Variants in SLBP observed in about 807,000 individuals in gnomAD.
The protein encoded by SLBP is histone RNA hairpin-binding protein.
A neutral mutation model predicts 39.2 loss-of-function variants in SLBP; 29 were observed. The ratio of observed to expected loss-of-function variants is 0.74; its 90% confidence interval spans 0.55 to 1.01. SLBP has a LOEUF of 1.01. Among genes scored for constraint, SLBP ranks in the 50% least tolerant of loss-of-function variants. The pLI, the probability that SLBP is intolerant of heterozygous loss-of-function variation, is 0.00. For synonymous variants in SLBP, 129 were observed against 118.7 expected (o/e 1.09, Z -0.57); for missense variants, 390 against 350.2 (o/e 1.11, Z -0.91).
In SLBP at chr4:1,699,597, A is replaced by G. The variant is rs1716247923; in HGVS notation, c.446T>C (p.Ile149Thr). 2 of 1,613,942 alleles carry G rather than the reference A, an allele frequency of 1.2e-6. No individual in the cohort carries two copies. Among genetic ancestry groups the G allele is most frequent in the Non-Finnish European group, 1.7e-6 (2 of 1,179,826 alleles). The change falls in exon 5 of 8, where the codon ATT (isoleucine) becomes ACT (threonine). Residue 149 changes from isoleucine to threonine, a missense_variant. Ile to Thr is a moderately conservative substitution (Grantham distance 89). Transcript: ENST00000489418. ...TTCTTTAATATAACGATCGTAGGCA[A>G]TTGTGTTCTTCCCATAGTTGATCTG... The part of the protein sequence containing the change: ...QKQINYGKNT[I>T]AYDRYIKEVP...
At chr4:1,711,542 G>C (rs1181672475) in intron 2 of SLBP, among the ~76,000 whole-genome samples, 3 of 152,106 alleles carry the variant, frequency 2.0e-5, no homozygotes, top group Non-Finnish European at 4.4e-5. Context: ...ACTTCTCCTC[G>C]GGACTCGGGT....
chr4:1,696,169 G>GA, intron 6 of SLBP, 33 bp downstream of exon 6: 1 of 1,543,214 alleles, frequency 6.5e-7, no homozygotes. Context: ...ACCAATCAGA[G>GA]AATCACAGGA....
At chr4:1,698,171 C>A (rs935531773) in intron 5 of SLBP, among the ~76,000 whole-genome samples, 9 of 151,012 alleles carry the variant, frequency 6.0e-5, no homozygotes, top group African/African-American at 1.7e-4. Flanking sequence ...ACCAGCCTGG[C>A]CAATATGGTA....
chr4:1,699,355 G>A (rs550368970), intron 5 of SLBP, among the ~76,000 whole-genome samples: 96 of 152,212 alleles, frequency 6.3e-4, no homozygotes, highest in Middle Eastern at 3.4e-3. Context: ...AAAATTATAT[G>A]AAAATGATTT....
Position 1,712,113 on chromosome 4 carries a change from G to A in SLBP, c.59+17C>T. On this transcript the variant is annotated intron_variant, in intron 1 of 7. Transcript: ENST00000489418. ...CGGGGCACGCGCTCCCTCGCCCGCCGCGCAGCCCGGCCTCACCTGGCGTCA... is the reference window on the plus strand; with the variant it reads ...CGGGGCACGCGCTCCCTCGCCCGCCACGCAGCCCGGCCTCACCTGGCGTCA... 9.8e-6 allele frequency: 12 copies of A among 1,226,428 alleles called. No individual in the cohort carries two copies. The highest frequency in any genetic ancestry group is 1.1e-5 in the Non-Finnish European group (11 of 984,694). 76.0% of individuals were successfully genotyped at this position (1,226,428 alleles called of 1,614,324 possible). A position where few individuals can be genotyped will look rare whatever the true frequency, so the allele number is the denominator to read the frequency against.
chr4:1,701,584 G>C (rs1253758369), intron 3 of SLBP, among the ~76,000 whole-genome samples: 1 of 152,192 alleles, frequency 6.6e-6, no homozygotes, highest in African/African-American at 2.4e-5. Context: ...TAAAGGGCCA[G>C]CAGTTTAAAT....
At position 1,696,295 on chromosome 4, in the gene SLBP, C is replaced by T. The variant is rs113031734; in HGVS notation, c.536G>A (p.Ser179Asn). 6.2e-7 allele frequency: 1 copy of T among 1,602,056 alleles called. No individual in the cohort carries two copies. Among genetic ancestry groups the T allele is most frequent in the Non-Finnish European group, 8.5e-7 (1 of 1,174,992 alleles). The change falls in exon 6 of 8, where the codon AGT becomes AAT. Residue 179 changes from serine to asparagine, a missense_variant. Ser to Asn is a conservative substitution (Grantham distance 46, BLOSUM62 1). Coordinates refer to ENST00000489418, the MANE Select transcript of SLBP (RefSeq NM_006527.4). Reference protein sequence around the residue: ...PKTPNKFKKYSRRSWDQQIKL... With the variant: ...PKTPNKFKKYNRRSWDQQIKL... ...GATTTGCTGGTCCCATGAACGTCGA[C>T]TATACTTCTTAAATTTATTAGGGGT...
chr4:1,696,374 G>A, intron 5 of SLBP, 23 bp from the exon 6 acceptor site: 1 of 1,519,060 alleles, frequency 6.6e-7, no homozygotes, highest in Non-Finnish European at 8.8e-7. Context: ...GATTATTCTA[G>A]CACATGCCCA....
intron 6 of SLBP, among the ~76,000 whole-genome samples, chr4:1,695,327 T>G (rs1312741131): frequency 6.6e-6 from 1 of 152,124 alleles, no homozygotes; most frequent in Non-Finnish European, 1.5e-5. Context: ...AAACTCTAAT[T>G]GTTTGTTTAA....
chr4:1,698,487 A>AG (rs2109118139), intron 5 of SLBP, among the ~76,000 whole-genome samples: 1 of 151,828 alleles, frequency 6.6e-6, no homozygotes, highest in Admixed American at 6.6e-5. Context: ...AAAAAAAAAA[A>AG]AAAATTGTTT....
intron 2 of SLBP, among the ~76,000 whole-genome samples, chr4:1,710,735 T>C (rs1432339011): frequency 6.6e-6 from 1 of 151,654 alleles, no homozygotes; most frequent in East Asian, 1.9e-4. Flanking sequence ...TCTGTAGGTA[T>C]CTGCTTAGAA....
At chr4:1,694,362 C>T (rs1020104575) in intron 7 of SLBP, among the ~76,000 whole-genome samples, 11 of 151,656 alleles carry the variant, frequency 7.3e-5, no homozygotes, top group Middle Eastern at 3.5e-3. Flanking sequence ...GGATCACAGG[C>T]GTGAGCCACC....
chr4:1,705,780 C>T (rs1414607871), intron 2 of SLBP, among the ~76,000 whole-genome samples: 2 of 152,128 alleles, frequency 1.3e-5, no homozygotes, highest in Admixed American at 6.6e-5. Flanking sequence ...AGTATTTATA[C>T]ATTGTGAGAA....
intron 2 of SLBP, among the ~76,000 whole-genome samples, chr4:1,711,643 C>A (rs2108668053): frequency 6.6e-6 from 1 of 152,370 alleles, no homozygotes; most frequent in East Asian, 1.9e-4. Context: ...CTAACTCGGG[C>A]TGACGCCGGT....
chr4:1,696,142 G>A (rs1716096437), intron 6 of SLBP, 60 bp downstream of exon 6: 1 of 1,426,556 alleles, frequency 7.0e-7, no homozygotes, highest in Non-Finnish European at 9.5e-7. Context: ...GTGGTGCGCA[G>A]CTGCTCCAGT....
chr4:1,696,961 A>G (rs536471332), intron 5 of SLBP, among the ~76,000 whole-genome samples: 72 of 151,614 alleles, frequency 4.7e-4, no homozygotes, highest in African/African-American at 1.6e-3. Flanking sequence ...GCCTGAGATC[A>G]GGCTGGCCAA....
At position 1,703,689 on chromosome 4, in the gene SLBP, G is replaced by C; in HGVS notation, c.188C>G (p.Pro63Arg). 1 of 1,611,056 alleles carries C rather than the reference G, an allele frequency of 6.2e-7. No homozygotes were observed. Among genetic ancestry groups the C allele is most frequent in the East Asian group, 2.2e-5 (1 of 44,872 alleles). ...TCTGGAACGGGGTTTAGGGCCTTCA[G>C]GAGTGGTAAAGCTGCAATAAAAGGA... ...AERRPESFTT[P>R]EGPKPRSRCS... The change falls in exon 3 of 8, where the codon CCT becomes CGT. Residue 63 changes from proline to arginine, a missense_variant. Transcript: ENST00000489418.
chr4:1,693,668 G>A lies in SLBP; in HGVS notation c.742C>T (p.Gln248Ter). The A allele has an allele frequency of 6.2e-7, 1 of 1,613,908 alleles. No individual in the cohort carries two copies. The highest frequency in any genetic ancestry group is 1.3e-5 in the African/African-American group (1 of 75,022). Residue 248 changes from glutamine (Q) to a stop codon, truncating the protein, a stop_gained, in exon 8 of 8, where the codon CAA (glutamine) becomes TAA (stop). Coordinates refer to ENST00000489418, the MANE Select transcript of SLBP (RefSeq NM_006527.4). LOFTEE classifies it high-confidence loss of function. ...TCCAAATCAAACTCATCCTCCACTT[G>A]ACTGTCCATGTGTCTCACCTTGGTG... ...TPTKVRHMDS[Q>*]VEDEFDLEAC...
At chr4:1,695,399 TAG>T (rs1251321818) in intron 6 of SLBP, among the ~76,000 whole-genome samples, 1 of 152,028 alleles carries the variant, frequency 6.6e-6, no homozygotes, top group Non-Finnish European at 1.5e-5. Flanking sequence ...AAACCCCACA[TAG>T]AGGGAGGGAG....
Sources: gnomAD v4.1 joint callset for allele counts (sites outside exome capture counted in the v4.1 genomes callset) on GRCh38, gnomAD v4.1.1 for gene constraint, MANE v1.5 for transcripts, NCBI Gene and HGNC (gene_info 2026-07-23, HGNC 2026-07-21) for gene names.